CMSS1: variants seen among roughly 807,000 people sequenced by gnomAD.
The protein encoded by CMSS1 is cms1 ribosomal small subunit homolog, also known as protein CMSS1.
Under a neutral mutation model 43.5 loss-of-function variants are expected in CMSS1, and 33 were observed. The ratio of observed to expected loss-of-function variants is 0.76; its 90% CI spans 0.57 to 1.01. CMSS1 has a LOEUF of 1.01. Ranked by LOEUF, CMSS1 falls within the 50% of genes least tolerant of loss-of-function variation. CMSS1 has a pLI of 0.00. For synonymous variants in CMSS1, 115 were observed against 117.2 expected (o/e 0.98, Z 0.12); for missense variants, 313 against 326.4 (o/e 0.96, Z 0.32).
intron 1 of CMSS1, among the ~76,000 whole-genome samples, chr3:99,936,357 G>T (rs1280872850): frequency 1.4e-5 from 2 of 139,104 alleles, no homozygotes; most frequent in Non-Finnish European, 3.1e-5. Context: ...GGAAGGAACT[G>T]AAGCTTGAAG....
chr3:100,074,560 CT>C (rs1353084474), intron 1 of CMSS1, among the ~76,000 whole-genome samples: 26 of 151,478 alleles, frequency 1.7e-4, no homozygotes, highest in African/African-American at 6.3e-4. Flanking sequence ...ATAAAATAAG[CT>C]TTCTTATTTA....
chr3:99,927,014 A>G (rs1707314082), intron 1 of CMSS1, among the ~76,000 whole-genome samples: 1 of 152,160 alleles, frequency 6.6e-6, no homozygotes, highest in Non-Finnish European at 1.5e-5. Flanking sequence ...GCCCTTCACC[A>G]TCTGAACCTC....
chr3:100,121,040 CT>C (rs1413390345), intron 1 of CMSS1, among the ~76,000 whole-genome samples: 1 of 152,114 alleles, frequency 6.6e-6, no homozygotes, highest in Non-Finnish European at 1.5e-5. Context: ...GACATAAAAC[CT>C]TAGATAAACC....
chr3:99,876,083 G>C (rs1443084999), intron 1 of CMSS1: 126 of 986,372 alleles, frequency 1.3e-4, no homozygotes, highest in South Asian at 1.9e-4. Context: ...TGAACTGCCT[G>C]CGCCGGGGCC....
chr3:100,133,946 C>G lies in CMSS1; in HGVS notation c.65-13027C>G, dbSNP rs112389640. Among the ~76,000 whole-genome samples the G allele has an allele frequency of 8.1e-4, 124 of 152,216 alleles. 1 individual carries two copies. The highest frequency in any genetic ancestry group is 2.8e-3 in the African/African-American group (118 of 41,536). On this transcript the variant is annotated intron_variant, in intron 1 of 9. Coordinates refer to ENST00000421999, the MANE Select transcript of CMSS1 (RefSeq NM_032359.4). Reference sequence around the variant, plus strand: ...ACCTACCTTGAATAATTTACATTAACGGGATACATTATGTATTAATAGTAT... The same window carrying G: ...ACCTACCTTGAATAATTTACATTAAGGGGATACATTATGTATTAATAGTAT...
intron 1 of CMSS1, among the ~76,000 whole-genome samples, chr3:100,125,516 A>G (rs1392385429): frequency 6.6e-6 from 1 of 152,242 alleles, no homozygotes; most frequent in Non-Finnish European, 1.5e-5. Flanking sequence ...TAACGGGTCA[A>G]GTAATTAGCA....
chr3:99,931,473 G>A (rs1331043564), intron 1 of CMSS1, among the ~76,000 whole-genome samples: 1 of 152,148 alleles, frequency 6.6e-6, no homozygotes, highest in Non-Finnish European at 1.5e-5. Flanking sequence ...ATTGTTGGGA[G>A]CTTTTATGGG....
At chr3:99,894,279 G>A (rs989398544) in intron 1 of CMSS1, among the ~76,000 whole-genome samples, 3 of 152,206 alleles carry the variant, frequency 2.0e-5, no homozygotes, top group Non-Finnish European at 4.4e-5. Context: ...CTGAAAAGGT[G>A]TAAGAGAAGG....
At chr3:100,162,235 C>A in intron 3 of CMSS1, 68 bp from the exon 4 acceptor site, 1 of 1,416,638 alleles carries the variant, frequency 7.1e-7, no homozygotes, top group Admixed American at 2.0e-5. Context: ...GCCAGAGGAA[C>A]TAACCTATTC....
At chr3:99,912,951 C>G (rs933953057) in intron 1 of CMSS1, among the ~76,000 whole-genome samples, 3 of 152,084 alleles carry the variant, frequency 2.0e-5, no homozygotes, top group Admixed American at 2.0e-4. Flanking sequence ...AATCATAACT[C>G]CCAATGTGAT....
intron 1 of CMSS1, among the ~76,000 whole-genome samples, chr3:99,909,495 T>A (rs974766748): frequency 7.2e-5 from 11 of 152,132 alleles, no homozygotes; most frequent in African/African-American, 2.7e-4. Context: ...AATTTGTGAA[T>A]AATGAAAAGT....
intron 4 of CMSS1, among the ~76,000 whole-genome samples, chr3:100,163,421 G>C (rs2067041923): frequency 6.6e-6 from 1 of 152,206 alleles, no homozygotes; most frequent in Admixed American, 6.5e-5. Context: ...TTGCGAGGCT[G>C]ACACTTTGCC....
chr3:99,991,929 CAT>C lies in CMSS1; in HGVS notation c.65-155041_65-155040del, dbSNP rs547598647. On this transcript the variant is annotated intron_variant, in intron 1 of 9. Transcript: ENST00000421999. ...ATACATATATAGGTATATATACACA[CAT>C]ATGTATGTGTATATATGTGTATATA... Among the ~76,000 whole-genome samples, 299 of 145,216 alleles carry C rather than the reference CAT, an allele frequency of 2.1e-3. 2 individuals carry two copies. The Middle Eastern group carries it at 0.022, about 10-fold the overall frequency.
intron 1 of CMSS1, among the ~76,000 whole-genome samples, chr3:99,922,301 C>T (rs1315250946): frequency 1.3e-5 from 2 of 152,186 alleles, no homozygotes; most frequent in Admixed American, 6.5e-5. Context: ...AACATTGTCT[C>T]ATTGAATAAC....
chr3:99,936,794 A>G (rs1402149882), intron 1 of CMSS1, among the ~76,000 whole-genome samples: 1 of 151,944 alleles, frequency 6.6e-6, no homozygotes, highest in East Asian at 2.0e-4. Context: ...TGCTGTATCT[A>G]CTTAGCTTTT....
chr3:99,900,350 C>T (rs952625905), intron 1 of CMSS1, among the ~76,000 whole-genome samples: 4 of 152,116 alleles, frequency 2.6e-5, no homozygotes, highest in African/African-American at 9.7e-5. Context: ...ATGTTAAACA[C>T]TATTTTTAAC....
intron 1 of CMSS1, among the ~76,000 whole-genome samples, chr3:99,897,523 G>C (rs1020234497): frequency 2.0e-5 from 3 of 152,088 alleles, no homozygotes; most frequent in African/African-American, 7.2e-5. Context: ...TTCTTTACTA[G>C]TTATTTTTTT....
chr3:99,873,314 A>G (rs1705334239), intron 1 of CMSS1, among the ~76,000 whole-genome samples: 1 of 152,238 alleles, frequency 6.6e-6, no homozygotes, highest in Non-Finnish European at 1.5e-5. Context: ...TTTAAAATTA[A>G]TATGTCCAAC....
intron 1 of CMSS1, among the ~76,000 whole-genome samples, chr3:100,000,636 G>A (rs186794670): frequency 6.6e-6 from 1 of 152,316 alleles, no homozygotes; most frequent in Admixed American, 6.5e-5. Flanking sequence ...GATTGCTTGG[G>A]CCCAGGAGTT....
Sources: allele counts gnomAD v4.1 joint callset (sites outside exome capture counted in the v4.1 genomes callset), GRCh38; gene constraint gnomAD v4.1.1; transcripts MANE v1.5; gene names NCBI Gene and HGNC (gene_info 2026-07-23, HGNC 2026-07-21).